Variants in NFAM1 observed in about 807,000 individuals in gnomAD.
NFAM1 encodes the protein NFAT activation molecule 1.
NFAM1 carries 17 observed loss-of-function variants against 29.0 expected under a neutral mutation model. That is an observed-to-expected ratio of 0.59 (90% CI 0.40 to 0.88). The LOEUF (loss-of-function observed/expected upper bound fraction) is 0.88, where lower values mean the gene tolerates loss of function less well. NFAM1 is among the 40% of genes least tolerant of loss of function. The probability of loss-of-function intolerance (pLI) is 0.00; values close to 1 mark genes in which losing one functional copy is unlikely to be tolerated. For synonymous variants in NFAM1, 175 were observed against 147.2 expected, an observed-to-expected ratio of 1.19 and a Z score of -1.36; for missense variants, 324 against 344.6, an observed-to-expected ratio of 0.94 and a Z score of 0.47.
intron 1 of NFAM1, among the ~76,000 whole-genome samples, chr22:42,425,279 C>T (rs1236086402): frequency 6.6e-6 from 1 of 152,154 alleles, no homozygotes; most frequent in Non-Finnish European, 1.5e-5. Context: ...TCTCCCTCAG[C>T]CTTTGAAACC....
intron 4 of NFAM1, among the ~76,000 whole-genome samples, chr22:42,395,294 C>G (rs1929482851): frequency 6.6e-6 from 1 of 151,188 alleles, no homozygotes. Flanking sequence ...GCCAACATGG[C>G]AAAACCCCAT....
In NFAM1 at chr22:42,409,424, T is replaced by C; in HGVS notation, c.564+11A>G. On this transcript the variant is annotated intron_variant, in intron 3 of 5. Transcript: ENST00000329021. This position sits in a 1 kb window ranked among gnomAD's most constrained non-coding sequence, Gnocchi z 4.9. Reference sequence around the variant, plus strand: ...GGAGGGGCTGCATGGCTGTGAGCACTGATCCCGTACCTTGTTCCAGAGCAG... The same window carrying C: ...GGAGGGGCTGCATGGCTGTGAGCACCGATCCCGTACCTTGTTCCAGAGCAG... 2.1e-6 allele frequency: 3 copies of C among 1,397,556 alleles called. No homozygotes were observed. The highest frequency in any genetic ancestry group is 1.5e-5 in the South Asian group (1 of 67,290). The allele number at this position is 1,397,556 out of a possible 1,614,324, so 86.6% of individuals were successfully genotyped here.
intron 3 of NFAM1, among the ~76,000 whole-genome samples, chr22:42,405,043 G>A (rs1186214469): frequency 6.6e-6 from 1 of 152,066 alleles, no homozygotes; most frequent in Non-Finnish European, 1.5e-5. Context: ...AGACATTCCT[G>A]GAAGCACAGG....
chr22:42,417,066 T>C (rs993526500), intron 1 of NFAM1, among the ~76,000 whole-genome samples: 3 of 152,104 alleles, frequency 2.0e-5, no homozygotes, highest in African/African-American at 4.8e-5. Flanking sequence ...CCCCCGCACC[T>C]GACAAGGCAG....
upstream of NFAM1, among the ~76,000 whole-genome samples, chr22:42,432,675 G>A (rs945507796): frequency 1.3e-5 from 2 of 152,244 alleles, no homozygotes; most frequent in Non-Finnish European, 1.5e-5. Flanking sequence ...ACTGTGCAGA[G>A]GGATCATGGG....
At chr22:42,404,886 A>G (rs1443108687) in intron 3 of NFAM1, among the ~76,000 whole-genome samples, 1 of 147,858 alleles carries the variant, frequency 6.8e-6, no homozygotes, top group Non-Finnish European at 1.5e-5. Flanking sequence ...CTCTCCTTCC[A>G]TGTTCACTTA....
chr22:42,428,290 C>T (rs1243947640), intron 1 of NFAM1, among the ~76,000 whole-genome samples: 1 of 152,194 alleles, frequency 6.6e-6, no homozygotes, highest in Non-Finnish European at 1.5e-5. Context: ...CTGCCTCTCC[C>T]CGCCCACCTC....
upstream of NFAM1, among the ~76,000 whole-genome samples, chr22:42,434,526 C>T (rs1219233947): frequency 6.6e-6 from 1 of 152,206 alleles, no homozygotes; most frequent in African/African-American, 2.4e-5. Flanking sequence ...CAGGGACGCA[C>T]CTTGGCAAGG....
intron 1 of NFAM1, among the ~76,000 whole-genome samples, chr22:42,431,622 A>T (rs898859984): frequency 5.3e-5 from 8 of 152,176 alleles, no homozygotes; most frequent in Non-Finnish European, 8.8e-5. Flanking sequence ...AAAGCCTGGA[A>T]CCAGGAAAGG....
chr22:42,396,512 G>C (rs1369323219), intron 4 of NFAM1, among the ~76,000 whole-genome samples: 1 of 151,924 alleles, frequency 6.6e-6, no homozygotes, highest in African/African-American at 2.4e-5. Flanking sequence ...TCTCACATAT[G>C]TGTATGCTGG....
At chr22:42,405,952 G>T (rs951007438) in intron 3 of NFAM1, among the ~76,000 whole-genome samples, 1 of 152,124 alleles carries the variant, frequency 6.6e-6, no homozygotes, top group African/African-American at 2.4e-5. Context: ...GGGGTGAAAG[G>T]CGCCAAGCTC....
upstream of NFAM1, among the ~76,000 whole-genome samples, chr22:42,433,186 A>G (rs1601768072): frequency 6.6e-6 from 1 of 151,862 alleles, no homozygotes; most frequent in African/African-American, 2.4e-5. Context: ...GGAGCCCCTC[A>G]CCCTTGGCAC....
chr22:42,406,797 CAG>C (rs1219842933), intron 3 of NFAM1, among the ~76,000 whole-genome samples: 1 of 151,944 alleles, frequency 6.6e-6, no homozygotes. Flanking sequence ...TTTTTTGAGA[CAG>C]AGTCTCACTC....
chr22:42,398,182 G>A (rs1314104501), intron 3 of NFAM1, among the ~76,000 whole-genome samples: 1 of 152,152 alleles, frequency 6.6e-6, no homozygotes, highest in Non-Finnish European at 1.5e-5. Context: ...CCCACACGAG[G>A]TGATGTCCCT....
intron 4 of NFAM1, among the ~76,000 whole-genome samples, chr22:42,387,327 T>C (rs938958271): frequency 1.1e-4 from 17 of 152,238 alleles, no homozygotes; most frequent in African/African-American, 3.6e-4. Context: ...CAGTAGAGCC[T>C]TGTATTCCAC....
chr22:42,385,351 G>C (rs1569224041), intron 5 of NFAM1, 131 bp from the exon 6 acceptor site: 2 of 707,518 alleles, frequency 2.8e-6, no homozygotes, highest in South Asian at 3.1e-5. Context: ...TGGGGGGCCT[G>C]CCCTCTGTCT....
At chr22:42,396,327 T>C (rs1929524015) in intron 4 of NFAM1, among the ~76,000 whole-genome samples, 1 of 152,146 alleles carries the variant, frequency 6.6e-6, no homozygotes, top group Non-Finnish European at 1.5e-5. Flanking sequence ...ATGAAAAAAA[T>C]AGCTGTATTG....
chr22:42,389,115 G>A (rs73173005), intron 4 of NFAM1, among the ~76,000 whole-genome samples: 17,352 of 152,270 alleles, frequency 0.11, 1,291 homozygotes, highest in Non-Finnish European at 0.16. Flanking sequence ...AGGGAGGGGA[G>A]CAGTCTCCTT....
intron 1 of NFAM1, among the ~76,000 whole-genome samples, chr22:42,415,071 G>A (rs1601753679): frequency 6.6e-6 from 1 of 152,112 alleles, no homozygotes. Context: ...GCTTCGAAAC[G>A]AGAACCTCAG....
Sources: allele counts gnomAD v4.1 joint callset (sites outside exome capture counted in the v4.1 genomes callset), GRCh38; gene constraint gnomAD v4.1.1; non-coding constraint Gnocchi (gnomAD v3.1); transcripts MANE v1.5; gene names NCBI Gene and HGNC (gene_info 2026-07-23, HGNC 2026-07-21).